The following DYSF variants were observed in gnomAD, a reference collection of about 807,000 sequenced individuals.
DYSF encodes the protein dystrophy-associated fer-1-like 1.
DYSF carries 212 observed loss-of-function variants against 274.9 expected under a neutral mutation model. The ratio of observed to expected loss-of-function variants is 0.77; its 90% CI spans 0.69 to 0.86. The LOEUF is 0.86. Among genes scored for constraint, DYSF ranks in the 40% least tolerant of loss-of-function variants. DYSF has a pLI of 0.00. For missense variants in DYSF, 2,666 were observed against 2,783.2 expected (o/e 0.96, Z 0.95); for synonymous variants, 1,091 against 1,078.7 (o/e 1.01, Z -0.22).
chr2:71,642,788 G>A (rs1268071997), intron 41 of DYSF, among the ~76,000 whole-genome samples: 1 of 152,202 alleles, frequency 6.6e-6, no homozygotes, highest in African/African-American at 2.4e-5. Flanking sequence ...CCTTGGCGGG[G>A]CACCAGCTTG....
chr2:71,469,119 G>T (rs2081772947), intron 1 of DYSF, among the ~76,000 whole-genome samples: 1 of 152,190 alleles, frequency 6.6e-6, no homozygotes, highest in Non-Finnish European at 1.5e-5. Context: ...CCCGATGCAG[G>T]TTATTTTGGA....
chr2:71,551,632 G>A lies in DYSF; in HGVS notation c.1718G>A (p.Arg573Gln), dbSNP rs755829878. 1.7e-5 allele frequency: 27 copies of A among 1,608,662 alleles called. No individual in the cohort carries two copies. The highest frequency in any genetic ancestry group is 5.1e-5 in the Admixed American group (3 of 59,300). ...GKGEGVAYRG[R>Q]LLLSLETKLV... ...GGGGAAGGTGTGGCTTATCGTGGCC[G>A]GCTTCTGCTCTCCCTGGAGACCAAG... Residue 573 changes from arginine to glutamine, a missense_variant, in exon 19 of 56, where the codon CGG (arginine) becomes CAG (glutamine). Arg to Gln is a conservative substitution (Grantham distance 43, BLOSUM62 1). Coordinates refer to ENST00000410020, the MANE Select transcript of DYSF (RefSeq NM_001130987.2).
intron 1 of DYSF, among the ~76,000 whole-genome samples, chr2:71,478,432 C>T (rs1013442641): frequency 3.9e-5 from 6 of 151,962 alleles, no homozygotes; most frequent in African/African-American, 9.7e-5. Context: ...AGGATGGTCT[C>T]AATCTCCTGG....
intron 41 of DYSF, among the ~76,000 whole-genome samples, chr2:71,624,327 T>C (rs939937282): frequency 6.6e-6 from 1 of 152,226 alleles, no homozygotes; most frequent in African/African-American, 2.4e-5. Flanking sequence ...TAAGAAGTTT[T>C]AAGGAGAGCT....
Position 71,476,002 on chromosome 2 carries a change from C to T in DYSF, c.92-4881C>T, listed in dbSNP as rs573032527. Among the ~76,000 whole-genome samples, 3 of 152,194 alleles carry T rather than the reference C, an allele frequency of 2.0e-5. No homozygotes were observed. In the South Asian group the frequency reaches 6.2e-4, roughly 32 times the overall value. ...GCCCAGGTTAGTCTTGAACTCCTGT[C>T]CTCAGGCGATCCTCCCACCTCAGCC... On this transcript the variant is annotated intron_variant, in intron 1 of 55. Coordinates refer to ENST00000410020, the MANE Select transcript of DYSF (RefSeq NM_001130987.2).
intron 12 of DYSF, among the ~76,000 whole-genome samples, chr2:71,525,579 G>A (rs886950262): frequency 6.6e-6 from 1 of 152,182 alleles, no homozygotes; most frequent in South Asian, 2.1e-4. Context: ...AGGGAGGGGT[G>A]CTATGAGGAT....
At chr2:71,487,524 G>GTTC (rs2083458285) in intron 3 of DYSF, among the ~76,000 whole-genome samples, 2 of 152,118 alleles carry the variant, frequency 1.3e-5, no homozygotes, top group Admixed American at 1.3e-4. Context: ...TGTTGTTGTT[G>GTTC]TTTAGGCAGA....
At chr2:71,553,681 G>A (rs938499185) in intron 20 of DYSF, 126 bp from the exon 21 acceptor site, 11 of 1,228,286 alleles carry the variant, frequency 9.0e-6, no homozygotes, top group South Asian at 2.6e-5. Context: ...TCTGTCCCAC[G>A]TGTGGTCCCT....
intron 14 of DYSF, among the ~76,000 whole-genome samples, chr2:71,532,384 A>G (rs2088830157): frequency 6.6e-6 from 1 of 152,230 alleles, no homozygotes; most frequent in African/African-American, 2.4e-5. Context: ...TGTACTAATA[A>G]TACTCCATTG....
chr2:71,675,929 T>C (rs1041455205), intron 52 of DYSF, among the ~76,000 whole-genome samples: 4 of 152,172 alleles, frequency 2.6e-5, no homozygotes, highest in African/African-American at 9.7e-5. Flanking sequence ...ACAGACTGTT[T>C]TATATCCTGA....
At chr2:71,508,955 C>T (rs2085787404) in intron 4 of DYSF, among the ~76,000 whole-genome samples, 1 of 151,878 alleles carries the variant, frequency 6.6e-6, no homozygotes, top group Non-Finnish European at 1.5e-5. Context: ...CGGGTTCAAC[C>T]AATCCTCCCA....
chr2:71,482,659 G>A (rs966506841), intron 3 of DYSF, among the ~76,000 whole-genome samples: 4 of 152,092 alleles, frequency 2.6e-5, no homozygotes, highest in African/African-American at 7.2e-5. Context: ...GGGTGGACAA[G>A]TTCAACCCAA....
chr2:71,490,062 C>T (rs1267355919), intron 3 of DYSF, among the ~76,000 whole-genome samples: 1 of 152,202 alleles, frequency 6.6e-6, no homozygotes, highest in Non-Finnish European at 1.5e-5. Context: ...ACGTAAACCA[C>T]ACAAACATGT....
intron 13 of DYSF, 69 bp downstream of exon 13, chr2:71,526,415 C>CTTTGGGGGG: frequency 2.4e-6 from 1 of 411,246 alleles, no homozygotes; most frequent in Non-Finnish European, 3.9e-6. Flanking sequence ...TGGGGGTGGG[C>CTTTGGGGGG]GATGGCGGGC....
At chr2:71,493,579 C>A (rs554033970) in intron 3 of DYSF, among the ~76,000 whole-genome samples, 1 of 152,034 alleles carries the variant, frequency 6.6e-6, no homozygotes, top group Non-Finnish European at 1.5e-5. Context: ...CAGCTGGGTG[C>A]GCTGGCTCAC....
At chr2:71,645,095 A>G (rs1331095690) in intron 42 of DYSF, among the ~76,000 whole-genome samples, 1 of 152,214 alleles carries the variant, frequency 6.6e-6, no homozygotes, top group Non-Finnish European at 1.5e-5. Context: ...TGTGTGTTAC[A>G]GAGGACTATT....
rs747419349 is a variant in DYSF, at chr2:71,570,317, G to A, written c.3068G>A (p.Arg1023Gln). The A allele has an allele frequency of 7.4e-6, 12 of 1,613,978 alleles. 1 individual carries two copies. In the South Asian group the frequency reaches 7.7e-5, roughly 10 times the overall value. Residue 1023 changes from arginine (R) to glutamine (Q), a missense_variant, in exon 28 of 56, where the codon CGG becomes CAG. Transcript: ENST00000410020. ...EDEEWSTDLN[R>Q]AVDEQGWEYS... ...GAGGAATGGTCCACAGACCTCAACC[G>A]GGCTGTCGATGAGCAAGGTGGGCAG... is the stretch of plus-strand genomic sequence containing the variant.
At chr2:71,580,244 C>G (rs1218039926) in intron 30 of DYSF, among the ~76,000 whole-genome samples, 2 of 152,306 alleles carry the variant, frequency 1.3e-5, no homozygotes, top group African/African-American at 4.8e-5. Flanking sequence ...GAGGAGCTGG[C>G]CCCCCGGCCC....
intron 17 of DYSF, among the ~76,000 whole-genome samples, chr2:71,543,203 C>T (rs557492787): frequency 2.7e-4 from 10 of 37,478 alleles, no homozygotes; most frequent in South Asian, 5.6e-4. Flanking sequence ...CCGTTAGAGA[C>T]GCTCCTCACC....
Sources: gnomAD v4.1 joint callset for allele counts (sites outside exome capture counted in the v4.1 genomes callset) on GRCh38, gnomAD v4.1.1 for gene constraint, MANE v1.5 for transcripts, NCBI Gene and HGNC (gene_info 2026-07-23, HGNC 2026-07-21) for gene names.